Variants in TTC7B observed in about 807,000 individuals in gnomAD.
TTC7B encodes tetratricopeptide repeat protein 7B.
TTC7B carries 28 observed loss-of-function variants against 106.8 expected under a neutral mutation model. The ratio of observed to expected loss-of-function variants is 0.26; its 90% CI spans 0.19 to 0.36. The LOEUF is 0.36. Among genes scored for constraint, TTC7B ranks in the 10% least tolerant of loss-of-function variants. TTC7B has a pLI of 1.00. For missense variants in TTC7B, 862 were observed against 1,076.4 expected, an observed-to-expected ratio of 0.80 and a Z score of 2.79; for synonymous variants, 405 against 430.6, an observed-to-expected ratio of 0.94 and a Z score of 0.74.
chr14:90,586,458 C>A (rs748690470), intron 18 of TTC7B, among the ~76,000 whole-genome samples: 18 of 152,008 alleles, frequency 1.2e-4, no homozygotes, highest in African/African-American at 4.1e-4. Context: ...TTAGTAGAGA[C>A]GGGGTTTCAC....
At chr14:90,767,782 C>A (rs1191837561) in intron 3 of TTC7B, among the ~76,000 whole-genome samples, 1 of 152,012 alleles carries the variant, frequency 6.6e-6, no homozygotes, top group African/African-American at 2.4e-5. Flanking sequence ...GGAACACCAT[C>A]AAGAGAACTA....
At chr14:90,754,836 A>G (rs1890238300) in intron 3 of TTC7B, among the ~76,000 whole-genome samples, 1 of 152,172 alleles carries the variant, frequency 6.6e-6, no homozygotes, top group South Asian at 2.1e-4. Context: ...AAGGTATGTG[A>G]TCTTTCATAT....
intron 17 of TTC7B, chr14:90,605,800 A>G: frequency 8.3e-7 from 1 of 1,206,732 alleles, no homozygotes; most frequent in South Asian, 1.5e-5. Flanking sequence ...GGCAAAAAAA[A>G]AACTTTAGAA....
chr14:90,711,362 A>T (rs1268039291), intron 5 of TTC7B, among the ~76,000 whole-genome samples: 1 of 152,232 alleles, frequency 6.6e-6, no homozygotes, highest in Non-Finnish European at 1.5e-5. Flanking sequence ...AAATTAAGTC[A>T]ATACTAACTT....
chr14:90,639,570 T>C (rs886768748), intron 15 of TTC7B, among the ~76,000 whole-genome samples: 1 of 152,228 alleles, frequency 6.6e-6, no homozygotes, highest in Non-Finnish European at 1.5e-5. Context: ...ACAGGGCTCT[T>C]GAGCGCTGCT....
intron 11 of TTC7B, among the ~76,000 whole-genome samples, chr14:90,656,887 G>A (rs1885967053): frequency 2.0e-5 from 3 of 152,234 alleles, no homozygotes; most frequent in African/African-American, 7.2e-5. Flanking sequence ...AAAGCAAGAT[G>A]TATGGGAGTA....
chr14:90,737,544 C>CTGTT (rs1889584939), intron 4 of TTC7B, among the ~76,000 whole-genome samples: 1 of 118,774 alleles, frequency 8.4e-6, no homozygotes, highest in South Asian at 2.6e-4. Flanking sequence ...TTGTATGATT[C>CTGTT]TGTTTTTTTT....
intron 2 of TTC7B, among the ~76,000 whole-genome samples, chr14:90,784,937 CA>C (rs1471096447): frequency 5.3e-5 from 8 of 152,154 alleles, no homozygotes; most frequent in African/African-American, 1.9e-4. Flanking sequence ...TGTTGCTGCA[CA>C]ACTGACCAAC....
rs183175675 is a variant in TTC7B, at chr14:90,802,178, G to A, written c.121+13997C>T. On this transcript the variant is annotated intron_variant, in intron 1 of 19. Transcript: ENST00000328459. This position sits in a 1 kb window ranked among gnomAD's most constrained non-coding sequence, Gnocchi z 4.7. The stretch of plus-strand genomic sequence containing the variant: ...GGCCACATCAGAGGGCAGCCTCGAC[G>A]TGAGGCATCTCAGGGGACTGCGGGG... 7.9e-5 allele frequency among the ~76,000 whole-genome samples: 12 copies of A among 152,314 alleles called. No homozygotes were observed. Among genetic ancestry groups the A allele is most frequent in the Admixed American group, 6.5e-4 (10 of 15,306 alleles).
intron 19 of TTC7B, among the ~76,000 whole-genome samples, chr14:90,549,812 GT>G (rs906979241): frequency 1.3e-5 from 2 of 152,124 alleles, no homozygotes; most frequent in Non-Finnish European, 2.9e-5. Flanking sequence ...GGACTAACTC[GT>G]TTAGTAAGGA....
intron 19 of TTC7B, among the ~76,000 whole-genome samples, chr14:90,556,461 T>C (rs932318918): frequency 9.2e-5 from 14 of 152,256 alleles, no homozygotes; most frequent in African/African-American, 3.4e-4. Context: ...GGGTCTTCTG[T>C]GGGTGCTAAC....
In TTC7B at chr14:90,541,317, C is replaced by G; in HGVS notation, c.*51G>C. 1 of 1,504,402 alleles carries G rather than the reference C, an allele frequency of 6.6e-7. No individual in the cohort carries two copies. Among genetic ancestry groups the G allele is most frequent in the Non-Finnish European group, 9.0e-7 (1 of 1,110,396 alleles). The allele number at this position is 1,504,402 out of a possible 1,614,324, so 93.2% of individuals were successfully genotyped here. A position where few individuals can be genotyped will look rare whatever the true frequency, so the allele number is the denominator to read the frequency against. On this transcript the variant is annotated 3_prime_UTR_variant, in exon 20 of 20. Coordinates refer to ENST00000328459, the MANE Select transcript of TTC7B (RefSeq NM_001010854.2). The stretch of plus-strand genomic sequence containing the variant: ...GGGGCGATGGCACAAGCCCTGGTGC[C>G]CGGCAGGGCCTCTGAGGCCTGAGCG...
chr14:90,556,933 G>A (rs1890333998), intron 19 of TTC7B, among the ~76,000 whole-genome samples: 1 of 152,218 alleles, frequency 6.6e-6, no homozygotes, highest in Non-Finnish European at 1.5e-5. Flanking sequence ...ACATGGGCAG[G>A]GCTATGACCC....
At chr14:90,610,140 G>T (rs372939812) in intron 17 of TTC7B, among the ~76,000 whole-genome samples, 1 of 152,184 alleles carries the variant, frequency 6.6e-6, no homozygotes, top group Non-Finnish European at 1.5e-5. Context: ...TTCTGGTCCC[G>T]GGCATTTCGG....
intron 15 of TTC7B, among the ~76,000 whole-genome samples, chr14:90,639,211 C>T (rs951104718): frequency 6.6e-6 from 1 of 152,166 alleles, no homozygotes; most frequent in African/African-American, 2.4e-5. Context: ...CTTTCTATTA[C>T]TTTAAAATTA....
chr14:90,543,710 A>G lies in TTC7B; in HGVS notation c.2311-2121T>C, dbSNP rs572428546. On this transcript the variant is annotated intron_variant, in intron 19 of 19. Transcript: ENST00000328459. ...TGTGGAGAAGCCTGACATCTTTACAATGTCTAGTCTTCCCACTGAGGAATG... is the reference window on the plus strand; with the variant it reads ...TGTGGAGAAGCCTGACATCTTTACAGTGTCTAGTCTTCCCACTGAGGAATG... 7.2e-5 allele frequency among the ~76,000 whole-genome samples: 11 copies of G among 152,278 alleles called. No homozygotes were observed. The South Asian group carries it at 2.1e-3, about 29-fold the overall frequency.
rs186302214 is a variant in TTC7B at position 90,554,391 on chromosome 14, G to T, written c.2311-12802C>A. Among the ~76,000 whole-genome samples the T allele has an allele frequency of 1.4e-4, 21 of 152,336 alleles. No individual in the cohort carries two copies. In the East Asian group the frequency reaches 4.0e-3, roughly 29 times the overall value. On this transcript the variant is annotated intron_variant, in intron 19 of 19. Coordinates refer to ENST00000328459, the MANE Select transcript of TTC7B (RefSeq NM_001010854.2). ...AGGGTAAGTGTCCTGCCAAGAGCAC[G>T]GACGTGAGTAAGGAACAGCATCCGG...
chr14:90,627,255 G>C (rs1360158045), intron 15 of TTC7B, among the ~76,000 whole-genome samples: 1 of 152,090 alleles, frequency 6.6e-6, no homozygotes, highest in African/African-American at 2.4e-5. Flanking sequence ...CAAATTGCTG[G>C]GATTACAGGT....
intron 5 of TTC7B, among the ~76,000 whole-genome samples, chr14:90,716,614 T>A (rs1185320735): frequency 6.6e-6 from 1 of 152,204 alleles, no homozygotes; most frequent in African/African-American, 2.4e-5. Flanking sequence ...TGTGTGTATG[T>A]GTGTTTAATT....
Sources: gnomAD v4.1 joint callset for allele counts (sites outside exome capture counted in the v4.1 genomes callset) on GRCh38, gnomAD v4.1.1 for gene constraint, Gnocchi (gnomAD v3.1) non-coding constraint, MANE v1.5 for transcripts, NCBI Gene and HGNC (gene_info 2026-07-23, HGNC 2026-07-21) for gene names.